The following GNA15 variants were observed in gnomAD, a reference collection of about 807,000 sequenced individuals.
GNA15 encodes the protein G protein subunit alpha 15.
Under a neutral mutation model 40.1 loss-of-function variants are expected in GNA15, and 23 were observed. The observed-to-expected ratio is 0.57, with a 90% CI of 0.41 to 0.81. The LOEUF is 0.81. Among genes scored for constraint, GNA15 ranks in the 40% least tolerant of loss-of-function variants. GNA15 has a pLI of 0.00. For synonymous variants in GNA15, 226 were observed against 210.4 expected (o/e 1.07, Z -0.64); for missense variants, 522 against 515.8 (o/e 1.01, Z -0.12).
chr19:3,143,956 T>TA (rs71179974), intron 1 of GNA15, among the ~76,000 whole-genome samples: 15 of 149,964 alleles, frequency 1.0e-4, no homozygotes, highest in South Asian at 2.1e-4. Context: ...CCGTCTCTAC[T>TA]AAAAAAAAAC....
Position 3,151,695 on chromosome 19 carries a change from C to T in GNA15, c.486-12C>T. 2 of 1,581,386 alleles carry T rather than the reference C, an allele frequency of 1.3e-6. No homozygotes were observed. Among genetic ancestry groups the T allele is most frequent in the South Asian group, 1.2e-5 (1 of 86,846 alleles). Reference sequence around the variant, plus strand: ...GCTGCAAGGCTGGGCCTCAGGACTCCTTGCTCTGCAGCTACCTGTCCCACC... The same window carrying T: ...GCTGCAAGGCTGGGCCTCAGGACTCTTTGCTCTGCAGCTACCTGTCCCACC... On this transcript the variant is annotated splice_polypyrimidine_tract_variant and intron_variant, in intron 3 of 6. Coordinates refer to ENST00000262958, the MANE Select transcript of GNA15 (RefSeq NM_002068.4). The surrounding 1 kb of genome is among the most constrained non-coding windows in gnomAD (Gnocchi z 5.0).
chr19:3,141,149 G>A (rs968602297), intron 1 of GNA15, among the ~76,000 whole-genome samples: 1 of 152,098 alleles, frequency 6.6e-6, no homozygotes, highest in African/African-American at 2.4e-5. Context: ...TATTGGGGAA[G>A]GGGGAGAGTC....
At position 3,151,666 on chromosome 19, in the gene GNA15, G is replaced by C. The variant is rs773589838; in HGVS notation, c.486-41G>C. On this transcript the variant is annotated intron_variant, in intron 3 of 6. Coordinates refer to ENST00000262958, the MANE Select transcript of GNA15 (RefSeq NM_002068.4). This position sits in a 1 kb window ranked among gnomAD's most constrained non-coding sequence, Gnocchi z 5.0. ...CGTAGGGCCTGGGAAGCAAAGGGAG[G>C]CTGGCTGCAAGGCTGGGCCTCAGGA... 1.2e-5 allele frequency: 18 copies of C among 1,522,186 alleles called. No individual in the cohort carries two copies. In the Admixed American group the frequency reaches 3.1e-4, roughly 26 times the overall value. 94.3% of individuals were successfully genotyped at this position (1,522,186 alleles called of 1,614,324 possible).
intron 3 of GNA15, among the ~76,000 whole-genome samples, chr19:3,150,788 A>T (rs1475672794): frequency 7.3e-6 from 1 of 136,956 alleles, no homozygotes; most frequent in Admixed American, 7.1e-5. Context: ...CCTGGGGGGA[A>T]CCCTATTCCT....
At position 3,151,990 on chromosome 19, in the gene GNA15, T is replaced by G. The variant is rs1446021617; in HGVS notation, c.614+155T>G. On this transcript the variant is annotated intron_variant, in intron 4 of 6. Coordinates refer to ENST00000262958, the MANE Select transcript of GNA15 (RefSeq NM_002068.4). The surrounding 1 kb of genome is among the most constrained non-coding windows in gnomAD (Gnocchi z 5.0). ...GGAAGCAAAGCTCCATGTAGACACCTCCAGGCCCCCAGGTAGTCAGGACTG... is the reference window on the plus strand; with the variant it reads ...GGAAGCAAAGCTCCATGTAGACACCGCCAGGCCCCCAGGTAGTCAGGACTG... Among the ~76,000 whole-genome samples the G allele has an allele frequency of 2.0e-5, 3 of 152,096 alleles. No individual in the cohort carries two copies. Among genetic ancestry groups the G allele is most frequent in the Non-Finnish European group, 2.9e-5 (2 of 68,012 alleles).
chr19:3,156,496 GCACACACATGCGTGCA>G (rs1568298815), intron 5 of GNA15, among the ~76,000 whole-genome samples: 1 of 151,350 alleles, frequency 6.6e-6, no homozygotes, highest in African/African-American at 2.4e-5. Flanking sequence ...AGGCACACAG[GCACACACATGCGTGCA>G]CACACACATG....
chr19:3,145,545 C>T (rs1334337322), intron 1 of GNA15, among the ~76,000 whole-genome samples: 5 of 79,066 alleles, frequency 6.3e-5, no homozygotes, highest in South Asian at 4.6e-4. Flanking sequence ...AGACCTGGTA[C>T]CTTTTTTTAT....
intron 6 of GNA15, among the ~76,000 whole-genome samples, chr19:3,159,261 T>A (rs1354415357): frequency 1.3e-5 from 2 of 151,686 alleles, no homozygotes; most frequent in Admixed American, 6.6e-5. Context: ...CCTGACCTCA[T>A]GATCCACCTG....
rs1816137028 is a variant in GNA15 at position 3,162,979 on chromosome 19, C to T, written c.1085C>T (p.Ser362Leu). ...IRKVFKDVRD[S>L]VLARYLDEIN... ...AAGGTCTTCAAGGACGTGCGGGACT[C>T]GGTGCTCGCCCGCTACCTGGACGAG... The change falls in exon 7 of 7, where the codon TCG (serine) becomes TTG (leucine). Residue 362 changes from serine (S) to leucine (L), a missense_variant. Coordinates refer to ENST00000262958, the MANE Select transcript of GNA15 (RefSeq NM_002068.4). The T allele has an allele frequency of 1.1e-5, 18 of 1,613,950 alleles. No homozygotes were observed. Among genetic ancestry groups the T allele is most frequent in the Non-Finnish European group, 1.5e-5 (18 of 1,179,876 alleles).
intron 6 of GNA15, among the ~76,000 whole-genome samples, chr19:3,158,923 G>A (rs555203394): frequency 3.9e-5 from 6 of 151,948 alleles, no homozygotes; most frequent in Non-Finnish European, 8.8e-5. Context: ...GTGAGCCACC[G>A]CATCTGGCCA....
intron 6 of GNA15, among the ~76,000 whole-genome samples, chr19:3,161,185 CAT>C (rs781493843): frequency 1.4e-4 from 21 of 152,176 alleles, no homozygotes; most frequent in Non-Finnish European, 2.8e-4. Context: ...CCCAACCACA[CAT>C]CTGTCATCCA....
chr19:3,139,625 TGCA>T (rs1914530575), intron 1 of GNA15, among the ~76,000 whole-genome samples: 2 of 139,080 alleles, frequency 1.4e-5, no homozygotes, highest in Non-Finnish European at 3.1e-5. Flanking sequence ...AAATGCCGGG[TGCA>T]GTGGCTCATG....
Position 3,136,338 on chromosome 19 carries a change from C to T in GNA15, c.-113C>T. ...TGACCCCCAAGGAAAAGGCAGCCTCCCTGCGCACCCGGTTGCCCGGAGCCC... is the reference window on the plus strand; with the variant it reads ...TGACCCCCAAGGAAAAGGCAGCCTCTCTGCGCACCCGGTTGCCCGGAGCCC... On this transcript the variant is annotated 5_prime_UTR_variant, in exon 1 of 7. Transcript: ENST00000262958. The surrounding 1 kb of genome is among the most constrained non-coding windows in gnomAD (Gnocchi z 4.9). The T allele has an allele frequency of 9.1e-7, 1 of 1,097,296 alleles. No individual in the cohort carries two copies. Among genetic ancestry groups the T allele is most frequent in the East Asian group, 2.7e-5 (1 of 37,196 alleles). The allele number at this position is 1,097,296 out of a possible 1,614,324, so 68.0% of individuals were successfully genotyped here.
At chr19:3,148,916 C>T (rs1914804341) in intron 2 of GNA15, 141 bp downstream of exon 2, 2 of 778,274 alleles carry the variant, frequency 2.6e-6, no homozygotes, top group South Asian at 3.7e-5. Context: ...GTCCCCAGAC[C>T]CTGGGGCAAG....
rs528633324 is a variant in GNA15 at position 3,137,211 on chromosome 19, G to A, written c.145+616G>A. ...CTTCCTGGATCTCATTTCCTGTGAA[G>A]GAGCCAAGACATTTAGTCTGTAAAC... is the stretch of plus-strand genomic sequence containing the variant. On this transcript the variant is annotated intron_variant, in intron 1 of 6. Transcript: ENST00000262958. Among the ~76,000 whole-genome samples, 4 of 152,390 alleles carry A rather than the reference G, an allele frequency of 2.6e-5. No individual in the cohort carries two copies. The East Asian group carries it at 7.7e-4, about 29-fold the overall frequency.
intron 2 of GNA15, 77 bp from the exon 3 acceptor site, chr19:3,150,054 G>C: frequency 7.7e-7 from 1 of 1,293,214 alleles, no homozygotes; most frequent in Admixed American, 2.0e-5. Context: ...GAGGGACGTG[G>C]GGGCTTGCAG....
intron 1 of GNA15, among the ~76,000 whole-genome samples, chr19:3,138,558 C>T (rs1382262619): frequency 6.6e-6 from 1 of 152,200 alleles, no homozygotes; most frequent in Admixed American, 6.5e-5. Context: ...GAGAGAACAT[C>T]GAGTGGGATG....
chr19:3,148,808 A>G, intron 2 of GNA15, 33 bp downstream of exon 2: 2 of 1,554,646 alleles, frequency 1.3e-6, no homozygotes, highest in Admixed American at 1.9e-5. Context: ...GGCCCAGGGC[A>G]GGCAGGGGCC....
chr19:3,148,855 G>A (rs1914800796), intron 2 of GNA15, 80 bp downstream of exon 2: 1 of 1,412,678 alleles, frequency 7.1e-7, no homozygotes, highest in Non-Finnish European at 9.5e-7. Flanking sequence ...GCAGGGCCAA[G>A]TTCCCCAGAC....
Sources: gnomAD v4.1 joint callset for allele counts (sites outside exome capture counted in the v4.1 genomes callset) on GRCh38, gnomAD v4.1.1 for gene constraint, Gnocchi (gnomAD v3.1) non-coding constraint, MANE v1.5 for transcripts, NCBI Gene and HGNC (gene_info 2026-07-23, HGNC 2026-07-21) for gene names.